The following RBM48 variants were observed in gnomAD, a reference collection of about 807,000 sequenced individuals.
RBM48 encodes RNA binding motif protein 48, also known as RNA-binding protein 48.
RBM48 carries 32 observed loss-of-function variants against 34.8 expected under a neutral mutation model. The ratio of observed to expected loss-of-function variants is 0.92; its 90% CI spans 0.69 to 1.23. The LOEUF (loss-of-function observed/expected upper bound fraction) is 1.23, where lower values mean the gene tolerates loss of function less well. RBM48 is among the 50% of genes most tolerant of loss of function. RBM48 has a pLI of 0.00. For synonymous variants in RBM48, 151 were observed against 156.2 expected, an observed-to-expected ratio of 0.97 and a Z score of 0.25; for missense variants, 441 against 447.2, an observed-to-expected ratio of 0.99 and a Z score of 0.12.
At position 92,539,241 on chromosome 7, in the gene RBM48, T is replaced by C. The variant is rs1196662435; in HGVS notation, c.*2304T>C. Among the ~76,000 whole-genome samples, 1 of 152,232 alleles carries C rather than the reference T, an allele frequency of 6.6e-6. No homozygotes were observed. The highest frequency in any genetic ancestry group is 2.4e-5 in the African/African-American group (1 of 41,454). The stretch of plus-strand genomic sequence containing the variant: ...ATATACTGTTTTCGCTCATCTCTTT[T>C]CAGATTGGAAGCCTGCCTTTTACAC... On this transcript the variant is annotated 3_prime_UTR_variant, in exon 5 of 5. Coordinates refer to ENST00000265732, the MANE Select transcript of RBM48 (RefSeq NM_032120.4).
intron 4 of RBM48, chr7:92,535,180 AT>A: frequency 7.0e-7 from 1 of 1,421,258 alleles, no homozygotes; most frequent in South Asian, 1.6e-5. Context: ...ATGAACAGAC[AT>A]TTTATATCAC....
At position 92,539,896 on chromosome 7, in the gene RBM48, T is replaced by C. The variant is rs1793821644; in HGVS notation, c.*2959T>C. Among the ~76,000 whole-genome samples the C allele has an allele frequency of 6.6e-6, 1 of 152,146 alleles. No homozygotes were observed. Among genetic ancestry groups the C allele is most frequent in the African/African-American group, 2.4e-5 (1 of 41,430 alleles). ...AAAATTTTAAAAACATTGACAGCAA[T>C]TGTATTGAAAGAGATCAAGTGTTCT... On this transcript the variant is annotated 3_prime_UTR_variant, in exon 5 of 5. Transcript: ENST00000265732.
At chr7:92,532,735 A>G (rs1793607662) in intron 3 of RBM48, among the ~76,000 whole-genome samples, 186 bp downstream of exon 3, 2 of 152,230 alleles carry the variant, frequency 1.3e-5, no homozygotes, top group Admixed American at 1.3e-4. Context: ...ATATTGGTTC[A>G]TAGAAGACTT....
intron 3 of RBM48, among the ~76,000 whole-genome samples, chr7:92,533,663 A>T (rs1170012801): frequency 6.6e-6 from 1 of 152,206 alleles, no homozygotes; most frequent in Non-Finnish European, 1.5e-5. Flanking sequence ...ATGCATTTGT[A>T]TACGTGGTCT....
rs766425391 is a variant in RBM48 at position 92,528,870 on chromosome 7, G to T, written c.57G>T (p.Ala19=). The stretch of plus-strand genomic sequence containing the variant: ...TATTTGATCACCACGTCCAGAGGGC[G>T]GTATGCGACACACGGGCCAAATATC... ...GSLFDHHVQR[A]VCDTRAKYRE... is the part of the protein sequence containing the mutation. The change falls in exon 1 of 5, where the codon GCG becomes GCT. Residue 19 remains alanine, a synonymous_variant. Coordinates refer to ENST00000265732, the MANE Select transcript of RBM48 (RefSeq NM_032120.4). 6.2e-7 allele frequency: 1 copy of T among 1,614,132 alleles called. No homozygotes were observed. Among genetic ancestry groups the T allele is most frequent in the Non-Finnish European group, 8.5e-7 (1 of 1,180,028 alleles).
chr7:92,533,201 T>G (rs528995449), intron 3 of RBM48, among the ~76,000 whole-genome samples: 1 of 152,320 alleles, frequency 6.6e-6, no homozygotes, highest in African/African-American at 2.4e-5. Flanking sequence ...AGAGAGCTGT[T>G]GAGAATCCCC....
intron 4 of RBM48, chr7:92,535,626 A>C: frequency 2.0e-6 from 2 of 985,418 alleles, no homozygotes; most frequent in South Asian, 4.7e-5. Context: ...CTACTGTTAC[A>C]AATCATAAAC....
intron 2 of RBM48, among the ~76,000 whole-genome samples, chr7:92,530,125 C>A (rs891133309): frequency 1.4e-5 from 2 of 145,628 alleles, no homozygotes; most frequent in African/African-American, 5.1e-5. Context: ...TGCAGTGAGC[C>A]GAGATTGCGC....
intron 4 of RBM48, chr7:92,535,449 A>G (rs940280876): frequency 1.0e-6 from 1 of 1,001,998 alleles, no homozygotes; most frequent in Non-Finnish European, 1.2e-6. Context: ...GCCTCCAGGT[A>G]TGCATTTCAA....
rs533029917 is a variant in RBM48, at chr7:92,539,637, C to T, written c.*2700C>T. Among the ~76,000 whole-genome samples the T allele has an allele frequency of 1.3e-5, 2 of 152,260 alleles. No homozygotes were observed. Among genetic ancestry groups the T allele is most frequent in the East Asian group, 1.9e-4 (1 of 5,184 alleles). ...TTACTTGAACCCAGGAGGCAGAGATCGCAGTGAGTTGAGATTGTACCACTG... is the reference window on the plus strand; with the variant it reads ...TTACTTGAACCCAGGAGGCAGAGATTGCAGTGAGTTGAGATTGTACCACTG... On this transcript the variant is annotated 3_prime_UTR_variant, in exon 5 of 5. Transcript: ENST00000265732.
rs1337263818 is a variant in RBM48, at chr7:92,529,500, C to T, written c.136C>T (p.Gln46Ter). 4 of 1,605,558 alleles carry T rather than the reference C, an allele frequency of 2.5e-6. No individual in the cohort carries two copies. The highest frequency in any genetic ancestry group is 2.6e-6 in the Non-Finnish European group (3 of 1,174,816). Reference protein sequence around the residue: ...VKVYTINLESQYLLIQGVPAV... With the variant: ...VKVYTINLES ...GGTATATACAATCAATTTGGAATCT[C>T]AGTACTTATTAATACAAGGAGTTCC... is the stretch of plus-strand genomic sequence containing the variant. Residue 46 changes from glutamine to a stop codon, truncating the protein, a stop_gained, in exon 2 of 5, where the codon CAG (glutamine) becomes TAG (stop). Transcript: ENST00000265732. LOFTEE classifies it high-confidence loss of function.
rs752461175 is a variant in RBM48, at chr7:92,532,398, A to G, written c.303-6A>G. Reference sequence around the variant, plus strand: ...AAAAACTATGCTATCTTGTATTTCCATTCAGGACAGCCAAGAGAAAAATGG... The same window carrying G: ...AAAAACTATGCTATCTTGTATTTCCGTTCAGGACAGCCAAGAGAAAAATGG... On this transcript the variant is annotated splice_polypyrimidine_tract_variant and splice_region_variant and intron_variant, in intron 2 of 4. Coordinates refer to ENST00000265732, the MANE Select transcript of RBM48 (RefSeq NM_032120.4). 18 of 1,601,080 alleles carry G rather than the reference A, an allele frequency of 1.1e-5. No individual in the cohort carries two copies. The African/African-American group carries it at 2.0e-4, about 18-fold the overall frequency.
At chr7:92,535,435 T>C (rs1467140406) in intron 4 of RBM48, 1 of 1,009,316 alleles carries the variant, frequency 9.9e-7, no homozygotes, top group Non-Finnish European at 1.2e-6. Flanking sequence ...TTTCTAAAAA[T>C]TAGGCCTCCA....
intron 3 of RBM48, 156 bp from the exon 4 acceptor site, chr7:92,534,246 C>A: frequency 9.0e-7 from 1 of 1,111,412 alleles, no homozygotes; most frequent in Non-Finnish European, 1.3e-6. Context: ...AGGTTTTAAA[C>A]CATGTGAATA....
intron 4 of RBM48, chr7:92,536,138 A>G (rs1793706394): frequency 1.0e-6 from 1 of 985,256 alleles, no homozygotes; most frequent in South Asian, 4.7e-5. Flanking sequence ...TCAAAAAAAA[A>G]GGTTTTCAGT....
rs758865545 is a variant in RBM48, at chr7:92,534,845, C to G, written c.892C>G (p.Leu298Val). The G allele has an allele frequency of 3.8e-5, 61 of 1,614,064 alleles. No homozygotes were observed. Among genetic ancestry groups the G allele is most frequent in the Non-Finnish European group, 5.2e-5 (61 of 1,180,030 alleles). The stretch of plus-strand genomic sequence containing the variant: ...AGATGATCGTAAACTTGGAACTTTT[C>G]TTCAAACAAACCCAACTGGTAATGA... ...REDDRKLGTFLQTNPTGNEIM... is the reference protein window; with the variant it reads ...REDDRKLGTFVQTNPTGNEIM... Residue 298 changes from leucine to valine, a missense_variant, in exon 4 of 5, where the codon CTT (leucine) becomes GTT (valine). Leu to Val is a conservative substitution (Grantham distance 32, BLOSUM62 1). Coordinates refer to ENST00000265732, the MANE Select transcript of RBM48 (RefSeq NM_032120.4).
In RBM48 at chr7:92,529,170, A is replaced by T; in HGVS notation, c.111+246A>T. The T allele has an allele frequency of 8.5e-6, 5 of 585,586 alleles. No homozygotes were observed. In the South Asian group the frequency reaches 1.0e-4, roughly 12 times the overall value. 36.3% of individuals were successfully genotyped at this position (585,586 alleles called of 1,614,324 possible). ...TCATTGGATCTTCTGTGTTTACAGT[A>T]CTACTTGGCACAGGTAAGCACTCAG... On this transcript the variant is annotated intron_variant, in intron 1 of 4. Transcript: ENST00000265732.
intron 1 of RBM48, 96 bp downstream of exon 1, chr7:92,529,020 T>G (rs1245529277): frequency 4.5e-6 from 4 of 886,724 alleles, no homozygotes; most frequent in Non-Finnish European, 7.4e-6. Flanking sequence ...ACGACAAGGC[T>G]TCCGTCAGAT....
chr7:92,532,072 A>G (rs564673861), intron 2 of RBM48, among the ~76,000 whole-genome samples: 1 of 152,216 alleles, frequency 6.6e-6, no homozygotes, highest in African/African-American at 2.4e-5. Flanking sequence ...TTAATTGGGT[A>G]TGAACCAACT....
Sources: allele counts gnomAD v4.1 joint callset (sites outside exome capture counted in the v4.1 genomes callset), GRCh38; gene constraint gnomAD v4.1.1; transcripts MANE v1.5; gene names NCBI Gene and HGNC (gene_info 2026-07-23, HGNC 2026-07-21).